CFAP69: variants seen among roughly 807,000 people sequenced by gnomAD.
CFAP69 encodes cilia- and flagella-associated protein 69.
In CFAP69, 92 loss-of-function variants were observed where a neutral mutation model predicts 123.0. The observed-to-expected ratio is 0.75, with a 90% CI of 0.63 to 0.89. The LOEUF (loss-of-function observed/expected upper bound fraction) is 0.89. Ranked by LOEUF, CFAP69 falls within the 40% of genes least tolerant of loss-of-function variation. The pLI is 0.00. For synonymous variants in CFAP69, 380 were observed against 364.3 expected, an observed-to-expected ratio of 1.04 and a Z score of -0.49; for missense variants, 1,067 against 1,096.9, an observed-to-expected ratio of 0.97 and a Z score of 0.39.
At position 90,297,820 on chromosome 7, in the gene CFAP69, A is replaced by G. The variant is rs1792219371; in HGVS notation, c.1847A>G (p.Asp616Gly). The G allele has an allele frequency of 1.3e-6, 2 of 1,574,846 alleles. No individual in the cohort carries two copies. The highest frequency in any genetic ancestry group is 1.4e-5 in the African/African-American group (1 of 71,680). ...AAGGAAGGCATTTTTCTCCTTTTGG[A>G]TTTGTTAGCAGTAAGTATGGCTATA... Reference protein sequence around the residue: ...LEKEGIFLLLDLLALNQKKFC... With the variant: ...LEKEGIFLLLGLLALNQKKFC... The change falls in exon 16 of 23, where the codon GAT (aspartate) becomes GGT (glycine). Residue 616 changes from aspartate to glycine, a missense_variant. Coordinates refer to ENST00000389297, the MANE Select transcript of CFAP69 (RefSeq NM_001039706.3).
At chr7:90,289,238 A>G (rs1294662953) in intron 15 of CFAP69, among the ~76,000 whole-genome samples, 1 of 152,028 alleles carries the variant, frequency 6.6e-6, no homozygotes, top group Non-Finnish European at 1.5e-5. Flanking sequence ...ATACTAAAAA[A>G]TTTTCCAAAG....
chr7:90,290,123 C>T (rs964171306), intron 15 of CFAP69, among the ~76,000 whole-genome samples: 1 of 151,940 alleles, frequency 6.6e-6, no homozygotes, highest in Non-Finnish European at 1.5e-5. Context: ...AGTCAAGATT[C>T]CCTAGAGAGA....
chr7:90,299,845 C>G (rs775165711), intron 16 of CFAP69, 22 bp from the exon 17 acceptor site: 5 of 1,541,870 alleles, frequency 3.2e-6, no homozygotes, highest in African/African-American at 1.4e-5. Context: ...AACTTTTTTC[C>G]TTTTCTGTTT....
At chr7:90,287,744 A>C (rs1305862790) in intron 14 of CFAP69, 1 of 986,126 alleles carries the variant, frequency 1.0e-6, no homozygotes. Context: ...CAAGGCAATA[A>C]GAAAGGTAAT....
downstream of CFAP69, among the ~76,000 whole-genome samples, chr7:90,313,144 A>C (rs1371706651): frequency 6.6e-6 from 1 of 152,196 alleles, no homozygotes; most frequent in East Asian, 1.9e-4. Context: ...TTCTTTCATC[A>C]TTCTTCTGAT....
At chr7:90,251,565 G>A (rs1442726510) in intron 1 of CFAP69, among the ~76,000 whole-genome samples, 2 of 152,250 alleles carry the variant, frequency 1.3e-5, no homozygotes, top group East Asian at 3.9e-4. Flanking sequence ...GGCTTTTTAA[G>A]ATCCTTGTGT....
intron 15 of CFAP69, among the ~76,000 whole-genome samples, chr7:90,296,009 C>T (rs1252254623): frequency 1.3e-5 from 2 of 152,114 alleles, no homozygotes; most frequent in African/African-American, 2.4e-5. Flanking sequence ...ATCCGCAAAG[C>T]CTTAATAACC....
intron 14 of CFAP69, 159 bp downstream of exon 14, chr7:90,286,558 A>G (rs1790313563): frequency 9.0e-6 from 6 of 664,614 alleles, no homozygotes; most frequent in Non-Finnish European, 1.2e-5. Context: ...CAGAATATAC[A>G]ACAGTATACA....
rs997568761 is a variant in CFAP69 at position 90,297,916 on chromosome 7, T to G, written c.1857+86T>G. The G allele has an allele frequency of 3.8e-5, 33 of 871,182 alleles. No individual in the cohort carries two copies. In the African/African-American group the frequency reaches 5.7e-4, roughly 15 times the overall value. The allele number at this position is 871,182 out of a possible 1,614,324, so 54.0% of individuals were successfully genotyped here. On this transcript the variant is annotated intron_variant, in intron 16 of 22. Transcript: ENST00000389297. ...CAAACTGAATGCCACAGAGCACAAG[T>G]CTATGAATAAATGTGCCCCAAATCA...
intron 1 of CFAP69, among the ~76,000 whole-genome samples, chr7:90,255,171 G>C (rs11563920): frequency 6.6e-6 from 1 of 151,942 alleles, no homozygotes; most frequent in African/African-American, 2.4e-5. Context: ...ATATTTTCTT[G>C]GGCCCTTCAG....
At position 90,245,202 on chromosome 7, in the gene CFAP69, G is replaced by C; in HGVS notation, c.-223G>C. Reference sequence around the variant, plus strand: ...AACGCGCTGGCTTGTGTTAACAACCGGCCCGGGATCAGAGGTCTGGGTCAA... The same window carrying C: ...AACGCGCTGGCTTGTGTTAACAACCCGCCCGGGATCAGAGGTCTGGGTCAA... On this transcript the variant is annotated 5_prime_UTR_variant, in exon 1 of 23. Coordinates refer to ENST00000389297, the MANE Select transcript of CFAP69 (RefSeq NM_001039706.3). 2.1e-6 allele frequency: 1 copy of C among 470,688 alleles called. No homozygotes were observed. The highest frequency in any genetic ancestry group is 3.5e-6 in the Non-Finnish European group (1 of 287,378). 29.2% of individuals were successfully genotyped at this position (470,688 alleles called of 1,614,324 possible). A position where few individuals can be genotyped will look rare whatever the true frequency, so the allele number is the denominator to read the frequency against.
chr7:90,311,699 T>C (rs975990276), downstream of CFAP69, among the ~76,000 whole-genome samples: 2 of 152,092 alleles, frequency 1.3e-5, no homozygotes, highest in African/African-American at 2.4e-5. Context: ...CATTGAGAGG[T>C]AGGGGTTGCA....
intron 9 of CFAP69, among the ~76,000 whole-genome samples, chr7:90,275,312 T>C (rs1009035583): frequency 9.9e-5 from 15 of 152,190 alleles, no homozygotes; most frequent in Admixed American, 3.3e-4. Flanking sequence ...TTTTGAGGTA[T>C]GGCAGCCCAA....
At chr7:90,257,550 T>C (rs1797799136) in intron 2 of CFAP69, among the ~76,000 whole-genome samples, 1 of 152,202 alleles carries the variant, frequency 6.6e-6, no homozygotes, top group South Asian at 2.1e-4. Context: ...TCTTCCTATC[T>C]TTTGTAATTA....
chr7:90,308,307 T>C (rs1793899303), intron 21 of CFAP69, among the ~76,000 whole-genome samples: 1 of 152,150 alleles, frequency 6.6e-6, no homozygotes, highest in Non-Finnish European at 1.5e-5. Flanking sequence ...TGGGGATAAA[T>C]ATCCCTTTGT....
chr7:90,288,474 A>T (rs1435044988), intron 15 of CFAP69, 122 bp downstream of exon 15: 2 of 1,143,514 alleles, frequency 1.7e-6, no homozygotes, highest in Non-Finnish European at 2.5e-6. Context: ...ACATTATAGG[A>T]TGTAGTTACA....
intron 5 of CFAP69, among the ~76,000 whole-genome samples, chr7:90,267,175 G>T (rs1449572379): frequency 6.6e-6 from 1 of 152,182 alleles, no homozygotes; most frequent in African/African-American, 2.4e-5. Flanking sequence ...AAAATTTAGA[G>T]TTAGAATAAT....
intron 12 of CFAP69, among the ~76,000 whole-genome samples, chr7:90,281,616 A>C (rs1789505008): frequency 2.0e-5 from 3 of 152,196 alleles, no homozygotes; most frequent in Admixed American, 6.5e-5. Context: ...AAAAGTAATA[A>C]ATTAAAGATG....
At chr7:90,303,535 A>G in intron 17 of CFAP69, 5 of 949,040 alleles carry the variant, frequency 5.3e-6, no homozygotes, top group Non-Finnish European at 6.3e-6. Context: ...GATGACTTGT[A>G]TCTTCAATCC....
Sources: allele counts gnomAD v4.1 joint callset (sites outside exome capture counted in the v4.1 genomes callset), GRCh38; gene constraint gnomAD v4.1.1; transcripts MANE v1.5; gene names NCBI Gene and HGNC (gene_info 2026-07-23, HGNC 2026-07-21).